Variants in CA6 observed in about 807,000 individuals in gnomAD.
The protein encoded by CA6 is carbonate dehydratase VI.
Under a neutral mutation model 35.9 loss-of-function variants are expected in CA6, and 28 were observed. The observed-to-expected ratio is 0.78, with a 90% CI of 0.58 to 1.07. CA6 has a LOEUF of 1.07. Ranked by LOEUF, CA6 falls within the 50% of genes least tolerant of loss-of-function variation. The pLI, the probability that CA6 is intolerant of heterozygous loss-of-function variation, is 0.00. For missense variants in CA6, 377 were observed against 382.0 expected (o/e 0.99, Z 0.11); for synonymous variants, 148 against 152.6 (o/e 0.97, Z 0.22).
At chr1:8,946,114 T>C (rs1422847214) in intron 1 of CA6, 149 bp downstream of exon 1, 2 of 593,782 alleles carry the variant, frequency 3.4e-6, no homozygotes, top group Non-Finnish European at 5.9e-6. Flanking sequence ...GTTGGCTCAC[T>C]GCAACCTCCG....
chr1:8,969,622 T>C (rs1640056810), intron 6 of CA6, among the ~76,000 whole-genome samples: 2 of 152,110 alleles, frequency 1.3e-5, no homozygotes, highest in African/African-American at 2.4e-5. Flanking sequence ...AGTTTCTCTC[T>C]CTGTCTCTCT....
rs879071346 is a variant in CA6, at chr1:8,945,885, C to T, written c.-2C>T. ...CAGTCTTCATTACAGATGTGCAGCA[C>T]CATGAGGGCCCTGGTGCTTCTGCTG... On this transcript the variant is annotated 5_prime_UTR_variant, in exon 1 of 8. Coordinates refer to ENST00000377443, the MANE Select transcript of CA6 (RefSeq NM_001215.4). The T allele has an allele frequency of 1.1e-5, 18 of 1,609,588 alleles. No individual in the cohort carries two copies. The highest frequency in any genetic ancestry group is 1.4e-5 in the Non-Finnish European group (16 of 1,176,018).
chr1:8,969,574 G>A (rs1372430688), intron 6 of CA6, among the ~76,000 whole-genome samples: 3 of 152,036 alleles, frequency 2.0e-5, no homozygotes, highest in Non-Finnish European at 2.9e-5. Context: ...ACAATTTTCA[G>A]GAAGAGATAC....
In CA6 at chr1:8,951,552, G is replaced by GAT. The variant is rs760431189; in HGVS notation, c.259+2111_259+2112dup. ...TGGTGGGAAGCAATCATTGATGGAG[G>GAT]ATCTCTATGGGCAACGCTTGCTGAG... is the stretch of plus-strand genomic sequence containing the variant. On this transcript the variant is annotated intron_variant, in intron 2 of 7. Transcript: ENST00000377443. The GAT allele has an allele frequency of 6.4e-5, 49 of 765,060 alleles. No individual in the cohort carries two copies. In the South Asian group the frequency reaches 6.6e-4, roughly 10 times the overall value. The allele number at this position is 765,060 out of a possible 1,614,324, so 47.4% of individuals were successfully genotyped here.
chr1:8,969,490 A>T (rs1640053704), intron 6 of CA6, among the ~76,000 whole-genome samples: 1 of 152,106 alleles, frequency 6.6e-6, no homozygotes, highest in Non-Finnish European at 1.5e-5. Flanking sequence ...GGTCTAGTAA[A>T]TGTCTAATCA....
At chr1:8,973,712 CTTT>C (rs1640168746) in intron 7 of CA6, among the ~76,000 whole-genome samples, 9 of 71,446 alleles carry the variant, frequency 1.3e-4, no homozygotes, top group Admixed American at 3.9e-4. Flanking sequence ...CTTTCTCTCT[CTTT>C]CTTTCTTTCT....
At chr1:8,970,289 T>C (rs1640074525) in intron 6 of CA6, among the ~76,000 whole-genome samples, 1 of 148,154 alleles carries the variant, frequency 6.7e-6, no homozygotes, top group African/African-American at 2.4e-5. Context: ...ATATTTCTGC[T>C]TCTTCTTTCT....
intron 4 of CA6, among the ~76,000 whole-genome samples, chr1:8,962,098 C>T (rs1006702379): frequency 6.6e-6 from 1 of 151,984 alleles, no homozygotes; most frequent in Non-Finnish European, 1.5e-5. Flanking sequence ...AAAAATTAGC[C>T]AGGTGTGGTG....
intron 2 of CA6, among the ~76,000 whole-genome samples, chr1:8,951,270 T>G (rs1179572292): frequency 6.6e-6 from 1 of 150,940 alleles, no homozygotes; most frequent in Admixed American, 6.6e-5. Context: ...ATAGGGTTGG[T>G]GAAAGTAGCA....
chr1:8,973,702 CTT>C (rs1275610341), intron 7 of CA6, among the ~76,000 whole-genome samples: 2 of 114,206 alleles, frequency 1.8e-5, no homozygotes, highest in Non-Finnish European at 3.6e-5. Flanking sequence ...CTGGATTTTT[CTT>C]TCTCTCTCTT....
rs185678529 is a variant in CA6 at position 8,959,958 on chromosome 1, G to A, written c.501+956G>A. Reference sequence around the variant, plus strand: ...AAAAAAAAAAAAAAAAAAGCTGGGCGCGATGGCTCATGCCTGTAATCCCAG... The same window carrying A: ...AAAAAAAAAAAAAAAAAAGCTGGGCACGATGGCTCATGCCTGTAATCCCAG... On this transcript the variant is annotated intron_variant, in intron 4 of 7. Coordinates refer to ENST00000377443, the MANE Select transcript of CA6 (RefSeq NM_001215.4). Among the ~76,000 whole-genome samples, 140 of 103,292 alleles carry A rather than the reference G, an allele frequency of 1.4e-3. 1 individual carries two copies. Among genetic ancestry groups the A allele is most frequent in the African/African-American group, 5.1e-3 (111 of 21,786 alleles). 67.8% of individuals were successfully genotyped at this position (103,292 alleles called of 152,430 possible).
intron 7 of CA6, chr1:8,974,226 AT>A: frequency 1.6e-6 from 1 of 607,952 alleles, no homozygotes. Context: ...AGCGGGGTTG[AT>A]ATGATTAACC....
intron 7 of CA6, among the ~76,000 whole-genome samples, chr1:8,973,264 C>T (rs905093071): frequency 6.6e-6 from 1 of 152,062 alleles, no homozygotes; most frequent in Non-Finnish European, 1.5e-5. Context: ...AGGTGATCCG[C>T]CTGCCCGGCC....
chr1:8,970,697 C>T (rs1209863672), intron 6 of CA6, among the ~76,000 whole-genome samples, 170 bp from the exon 7 acceptor site: 1 of 152,094 alleles, frequency 6.6e-6, no homozygotes, highest in Non-Finnish European at 1.5e-5. Flanking sequence ...GAAGAGGTTT[C>T]ACCATGTTGG....
chr1:8,968,664 C>G lies in CA6; in HGVS notation c.729+848C>G, dbSNP rs1437454885. Among the ~76,000 whole-genome samples the G allele has an allele frequency of 2.0e-5, 3 of 151,980 alleles. No individual in the cohort carries two copies. In the East Asian group the frequency reaches 5.8e-4, roughly 29 times the overall value. ...AGCAAAAAAGTATAAAAATGGACAT[C>G]CAGACTTGGGACAAAAACTCAAATA... On this transcript the variant is annotated intron_variant, in intron 6 of 7. Transcript: ENST00000377443.
rs1290061902 is a variant in CA6, at chr1:8,973,787, T to TCTTTCTTTCTTTC, written c.845-835_845-834insCTTTCTTTCTTTC. On this transcript the variant is annotated intron_variant, in intron 7 of 7. Coordinates refer to ENST00000377443, the MANE Select transcript of CA6 (RefSeq NM_001215.4). ...TTCTTTCTTTCTTTCTTTCTTTCTT[T>TCTTTCTTTCTTTC]TCCCTCCCTCCCTCTCTCTCTCTCT... Among the ~76,000 whole-genome samples, 2 of 84,972 alleles carry TCTTTCTTTCTTTC rather than the reference T, an allele frequency of 2.4e-5. 1 individual carries two copies. The highest frequency in any genetic ancestry group is 1.6e-4 in the African/African-American group (2 of 12,378). 55.7% of individuals were successfully genotyped at this position (84,972 alleles called of 152,430 possible).
At chr1:8,973,752 CTT>C (rs780692242) in intron 7 of CA6, among the ~76,000 whole-genome samples, 6 of 20,614 alleles carry the variant, frequency 2.9e-4, no homozygotes, top group African/African-American at 2.2e-3. Flanking sequence ...TTCTTTCTTT[CTT>C]TCTTTCTTTC....
At chr1:8,951,338 T>C in intron 2 of CA6, 1 of 648,222 alleles carries the variant, frequency 1.5e-6, no homozygotes, top group Non-Finnish European at 2.8e-6. Flanking sequence ...CCAGGAGCCC[T>C]GAAATACACA....
At chr1:8,974,301 G>C (rs148213961) in intron 7 of CA6, 1 of 1,261,102 alleles carries the variant, frequency 7.9e-7, no homozygotes, top group Non-Finnish European at 1.1e-6. Context: ...GGCCAAATAC[G>C]GACCTCTTGC....
Sources: allele counts gnomAD v4.1 joint callset (sites outside exome capture counted in the v4.1 genomes callset), GRCh38; gene constraint gnomAD v4.1.1; transcripts MANE v1.5; gene names NCBI Gene and HGNC (gene_info 2026-07-23, HGNC 2026-07-21).